Variants in LY86 observed in about 807,000 individuals in gnomAD.
The protein encoded by LY86 is lymphocyte antigen 86, also known as MD-1, RP105-associated.
Under a neutral mutation model 17.3 loss-of-function variants are expected in LY86, and 20 were observed. That is an observed-to-expected ratio of 1.15 (90% CI 0.81 to 1.68). The LOEUF (loss-of-function observed/expected upper bound fraction) is 1.68. LY86 is among the 40% of genes most tolerant of loss of function. The pLI is 0.00. For synonymous variants in LY86, 74 were observed against 70.6 expected (o/e 1.05, Z -0.24); for missense variants, 200 against 191.9 (o/e 1.04, Z -0.25).
At chr6:6,615,800 G>A (rs549675699) in intron 1 of LY86, among the ~76,000 whole-genome samples, 9 of 151,682 alleles carry the variant, frequency 5.9e-5, no homozygotes, top group African/African-American at 1.7e-4. Context: ...GCTGAGGTAG[G>A]AGGATCGCTT....
intron 1 of LY86, among the ~76,000 whole-genome samples, chr6:6,612,000 A>ACATTATGAGTACTGAG (rs1761356877): frequency 6.6e-6 from 1 of 151,702 alleles, no homozygotes; most frequent in African/African-American, 2.4e-5. Context: ...TGAGTACTGA[A>ACATTATGAGTACTGAG]CACTATGAAA....
intron 1 of LY86, among the ~76,000 whole-genome samples, chr6:6,616,392 T>G (rs1561785395): frequency 6.6e-6 from 1 of 152,132 alleles, no homozygotes; most frequent in Non-Finnish European, 1.5e-5. Flanking sequence ...GCAACCAGGG[T>G]GCAGTGCTGA....
chr6:6,628,710 T>G (rs548874302), intron 3 of LY86, among the ~76,000 whole-genome samples: 27 of 152,288 alleles, frequency 1.8e-4, no homozygotes, highest in Non-Finnish European at 2.1e-4. Context: ...CAATTAAACT[T>G]TAAACTCCTT....
At chr6:6,617,313 A>G (rs1022177172) in intron 1 of LY86, among the ~76,000 whole-genome samples, 8 of 152,180 alleles carry the variant, frequency 5.3e-5, no homozygotes, top group African/African-American at 1.9e-4. Flanking sequence ...GTTAAGAAAC[A>G]TATTGTAAGA....
At position 6,605,981 on chromosome 6, in the gene LY86, C is replaced by T. The variant is rs575656287; in HGVS notation, c.136+17111C>T. 2.6e-4 allele frequency among the ~76,000 whole-genome samples: 39 copies of T among 152,270 alleles called. 1 individual carries two copies. Among genetic ancestry groups the T allele is most frequent in the African/African-American group, 9.1e-4 (38 of 41,548 alleles). ...GAAGCGTGGACCCAAAGAGCGACCA[C>T]CAGCAAAATTTACTGCGAAAAGCAA... On this transcript the variant is annotated intron_variant, in intron 1 of 4. Coordinates refer to ENST00000230568, the MANE Select transcript of LY86 (RefSeq NM_004271.4).
At chr6:6,597,621 C>A (rs1760755950) in intron 1 of LY86, among the ~76,000 whole-genome samples, 1 of 152,126 alleles carries the variant, frequency 6.6e-6, no homozygotes, top group Non-Finnish European at 1.5e-5. Flanking sequence ...ATCGGGAAAC[C>A]AATATTTGCA....
intron 1 of LY86, among the ~76,000 whole-genome samples, chr6:6,606,675 C>CT (rs1761166123): frequency 6.6e-6 from 1 of 152,236 alleles, no homozygotes; most frequent in Non-Finnish European, 1.5e-5. Context: ...GGCCCAGGTG[C>CT]TAAGCCCCTC....
chr6:6,616,345 C>T (rs1761553939), intron 1 of LY86, among the ~76,000 whole-genome samples: 1 of 152,212 alleles, frequency 6.6e-6, no homozygotes, highest in African/African-American at 2.4e-5. Flanking sequence ...TGTCTTCTGT[C>T]TGCCTCGCTC....
rs1053794202 is a variant in LY86, at chr6:6,589,124, C to T, written c.136+254C>T. Among the ~76,000 whole-genome samples the T allele has an allele frequency of 2.0e-5, 3 of 152,144 alleles. No homozygotes were observed. The East Asian group carries it at 5.8e-4, about 29-fold the overall frequency. On this transcript the variant is annotated intron_variant, in intron 1 of 4. Coordinates refer to ENST00000230568, the MANE Select transcript of LY86 (RefSeq NM_004271.4). ...AAAGAGAAATTGAATCTAAATATAG[C>T]CATTTACTAACACCACAGAACCCAA...
intron 1 of LY86, among the ~76,000 whole-genome samples, chr6:6,614,879 T>C (rs1056900447): frequency 2.0e-5 from 3 of 151,802 alleles, no homozygotes; most frequent in Non-Finnish European, 4.4e-5. Context: ...AGGGGAAACA[T>C]GGTGTCCTGT....
chr6:6,612,346 A>T (rs544655427), intron 1 of LY86, among the ~76,000 whole-genome samples: 2 of 152,190 alleles, frequency 1.3e-5, no homozygotes, highest in Non-Finnish European at 2.9e-5. Context: ...AGTAAGCATT[A>T]CACTTCTTAA....
chr6:6,600,037 G>T (rs1188732442), intron 1 of LY86, among the ~76,000 whole-genome samples: 3 of 152,176 alleles, frequency 2.0e-5, no homozygotes, highest in Non-Finnish European at 4.4e-5. Flanking sequence ...CCCACGTCCT[G>T]TTTTGCCCAA....
At chr6:6,617,305 TA>T (rs1356451758) in intron 1 of LY86, among the ~76,000 whole-genome samples, 1 of 152,122 alleles carries the variant, frequency 6.6e-6, no homozygotes, top group Non-Finnish European at 1.5e-5. Flanking sequence ...ATTAGACAGT[TA>T]AGAAACATAT....
intron 1 of LY86, among the ~76,000 whole-genome samples, chr6:6,612,254 C>CA (rs1293857719): frequency 6.6e-6 from 1 of 152,130 alleles, no homozygotes; most frequent in Non-Finnish European, 1.5e-5. Flanking sequence ...TTTATTCCTT[C>CA]TGATGTTCAG....
chr6:6,595,892 G>A (rs1285847172), intron 1 of LY86, among the ~76,000 whole-genome samples: 1 of 152,180 alleles, frequency 6.6e-6, no homozygotes, highest in Non-Finnish European at 1.5e-5. Context: ...AGTGTGTGGA[G>A]GGCTGTGGGT....
chr6:6,603,632 A>AAAAAAAAACAAAAC (rs1561778111), intron 1 of LY86, among the ~76,000 whole-genome samples: 5 of 135,806 alleles, frequency 3.7e-5, no homozygotes, highest in African/African-American at 1.3e-4. Context: ...AAAAAAACAA[A>AAAAAAAAACAAAAC]ACACACACAC....
intron 2 of LY86, 52 bp from the exon 3 acceptor site, chr6:6,626,241 A>C: frequency 6.3e-7 from 1 of 1,596,802 alleles, no homozygotes; most frequent in South Asian, 1.1e-5. Context: ...AATGCCTCTG[A>C]TACACAGTGA....
chr6:6,632,562 G>C (rs1388045156), intron 3 of LY86, among the ~76,000 whole-genome samples: 1 of 152,162 alleles, frequency 6.6e-6, no homozygotes, highest in Non-Finnish European at 1.5e-5. Context: ...ATAGAAACAG[G>C]CCAGAGGACT....
At chr6:6,619,293 T>G (rs887286575) in intron 1 of LY86, among the ~76,000 whole-genome samples, 2 of 152,188 alleles carry the variant, frequency 1.3e-5, no homozygotes, top group Admixed American at 6.5e-5. Flanking sequence ...GGGAAAGAAT[T>G]CTGAAAGATG....
Sources: gnomAD v4.1 joint callset for allele counts (sites outside exome capture counted in the v4.1 genomes callset) on GRCh38, gnomAD v4.1.1 for gene constraint, MANE v1.5 for transcripts, NCBI Gene and HGNC (gene_info 2026-07-23, HGNC 2026-07-21) for gene names.